Variants in HS3ST5 observed in about 807,000 individuals in gnomAD.
The protein encoded by HS3ST5 is heparan sulfate-glucosamine 3-sulfotransferase 5, also known as heparan sulfate glucosamine 3-O-sulfotransferase 5.
Under a neutral mutation model 25.4 loss-of-function variants are expected in HS3ST5, and 10 were observed. That is an observed-to-expected ratio of 0.39 (90% CI 0.24 to 0.67). HS3ST5 has a LOEUF of 0.67. HS3ST5 is among the 30% of genes least tolerant of loss of function. The pLI is 0.44. For missense variants in HS3ST5, 324 were observed against 420.7 expected, an observed-to-expected ratio of 0.77 and a Z score of 2.01; for synonymous variants, 170 against 162.4, an observed-to-expected ratio of 1.05 and a Z score of -0.36.
intron 2 of HS3ST5, among the ~76,000 whole-genome samples, chr6:114,169,179 C>T (rs1779353705): frequency 1.3e-5 from 2 of 152,102 alleles, no homozygotes; most frequent in Admixed American, 6.6e-5. Flanking sequence ...CCTAATACAT[C>T]ATTTCACTAA....
intron 3 of HS3ST5, among the ~76,000 whole-genome samples, chr6:114,094,063 A>G (rs935102334): frequency 5.9e-5 from 9 of 152,258 alleles, no homozygotes; most frequent in African/African-American, 2.2e-4. Context: ...TTATCCAGAC[A>G]TAAGACAGTA....
chr6:114,154,944 C>G (rs1358109394), intron 3 of HS3ST5, among the ~76,000 whole-genome samples: 1 of 152,122 alleles, frequency 6.6e-6, no homozygotes, highest in African/African-American at 2.4e-5. Flanking sequence ...CCCGATTGCT[C>G]TGGTTACATA....
chr6:114,252,042 AG>A (rs1772688299), intron 1 of HS3ST5: 1 of 152,204 alleles, frequency 6.6e-6, no homozygotes, highest in Non-Finnish European at 1.5e-5. Context: ...TGACTGAAAG[AG>A]TTAAGAGCCA....
At chr6:114,124,094 C>T (rs1166505063) in intron 3 of HS3ST5, among the ~76,000 whole-genome samples, 1 of 152,136 alleles carries the variant, frequency 6.6e-6, no homozygotes, top group Non-Finnish European at 1.5e-5. Context: ...CAAGTTGCCT[C>T]TGGAATGCTT....
intron 3 of HS3ST5, among the ~76,000 whole-genome samples, chr6:114,083,502 T>C (rs1774583099): frequency 6.6e-6 from 1 of 151,906 alleles, no homozygotes; most frequent in Admixed American, 6.6e-5. Flanking sequence ...CAGCTCCAGG[T>C]CATTAAGGAG....
intron 3 of HS3ST5, among the ~76,000 whole-genome samples, chr6:114,144,252 A>T (rs1438959358): frequency 6.6e-6 from 1 of 152,206 alleles, no homozygotes; most frequent in Non-Finnish European, 1.5e-5. Flanking sequence ...AGAGACAAGC[A>T]TGCAGCATTC....
chr6:114,320,897 T>G (rs1232672068), intron 1 of HS3ST5, among the ~76,000 whole-genome samples: 2 of 79,938 alleles, frequency 2.5e-5, no homozygotes, highest in African/African-American at 4.8e-5. Context: ...GGAAGTGCTC[T>G]CTCTCTCTCT....
chr6:114,073,752 T>C (rs1773966440), intron 3 of HS3ST5, among the ~76,000 whole-genome samples: 1 of 152,134 alleles, frequency 6.6e-6, no homozygotes, highest in Non-Finnish European at 1.5e-5. Flanking sequence ...TCCTCAAGGA[T>C]CTAGAACCAG....
intron 2 of HS3ST5, among the ~76,000 whole-genome samples, chr6:114,209,775 G>C (rs79537502): frequency 0.017 from 2,584 of 152,244 alleles, 37 homozygotes; most frequent in African/African-American, 0.04. Context: ...AAAGAAATGG[G>C]AGAAGGAGGA....
At chr6:114,274,662 A>T (rs1773773192) in intron 1 of HS3ST5, among the ~76,000 whole-genome samples, 1 of 152,078 alleles carries the variant, frequency 6.6e-6, no homozygotes, top group Non-Finnish European at 1.5e-5. Flanking sequence ...GTGGCAGTTA[A>T]GGATGCAGTA....
intron 1 of HS3ST5, among the ~76,000 whole-genome samples, chr6:114,312,314 T>C (rs906329836): frequency 6.6e-6 from 1 of 152,100 alleles, no homozygotes; most frequent in South Asian, 2.1e-4. Flanking sequence ...CAACTGGATA[T>C]ACAAATGGAA....
intron 3 of HS3ST5, among the ~76,000 whole-genome samples, chr6:114,079,898 CCCAAATT>C (rs1277503432): frequency 3.3e-5 from 5 of 152,166 alleles, no homozygotes; most frequent in Non-Finnish European, 2.9e-5. Flanking sequence ...GCCTTAGCCT[CCCAAATT>C]CCTGGGATTA....
intron 1 of HS3ST5, among the ~76,000 whole-genome samples, chr6:114,265,453 G>A (rs919125961): frequency 6.6e-6 from 1 of 152,132 alleles, no homozygotes; most frequent in Non-Finnish European, 1.5e-5. Context: ...TAGCTTCACT[G>A]TGAAAGCAGA....
At chr6:114,105,037 T>A (rs1365512191) in intron 3 of HS3ST5, among the ~76,000 whole-genome samples, 1 of 152,044 alleles carries the variant, frequency 6.6e-6, no homozygotes, top group Admixed American at 6.5e-5. Flanking sequence ...CCCAGTAAAG[T>A]GTAAACTACT....
Position 114,172,407 on chromosome 6 carries a change from A to G in HS3ST5, c.-144-3945T>C, listed in dbSNP as rs532195239. On this transcript the variant is annotated intron_variant, in intron 2 of 4. Transcript: ENST00000312719. The stretch of plus-strand genomic sequence containing the variant: ...AGGTAGTAATCAAAGCCAATTATCT[A>G]TTGATTTTCAGTTTAACATTTCAAC... Among the ~76,000 whole-genome samples, 8 of 152,346 alleles carry G rather than the reference A, an allele frequency of 5.3e-5. No homozygotes were observed. In the Middle Eastern group the frequency reaches 0.01, roughly 194 times the overall value.
Position 114,179,428 on chromosome 6 carries a change from A to G in HS3ST5, c.-144-10966T>C, listed in dbSNP as rs576515352. The stretch of plus-strand genomic sequence containing the variant: ...ACAACTATGTGACAAAGGCATTATT[A>G]TCTCTGTGGTAGGATTCATAAAGTA... On this transcript the variant is annotated intron_variant, in intron 2 of 4. Transcript: ENST00000312719. Among the ~76,000 whole-genome samples the G allele has an allele frequency of 8.9e-4, 135 of 152,304 alleles. 1 individual carries two copies. The highest frequency in any genetic ancestry group is 3.2e-3 in the African/African-American group (131 of 41,564).
At chr6:114,084,555 T>A (rs879231695) in intron 3 of HS3ST5, 1 of 760,940 alleles carries the variant, frequency 1.3e-6, no homozygotes, top group Admixed American at 1.7e-5. Context: ...CTGAGTGAGC[T>A]CCCTCGTTGT....
At chr6:114,245,262 A>G (rs1772324877) in intron 1 of HS3ST5, among the ~76,000 whole-genome samples, 1 of 152,186 alleles carries the variant, frequency 6.6e-6, no homozygotes. Flanking sequence ...TTTTCTGGAA[A>G]TTGGAAAGTC....
chr6:114,093,353 T>TTGTGTGTGTG (rs60927880), intron 3 of HS3ST5, among the ~76,000 whole-genome samples: 230 of 134,312 alleles, frequency 1.7e-3, no homozygotes, highest in Admixed American at 4.8e-3. Flanking sequence ...GTTTGTTTGT[T>TTGTGTGTGTG]TGTGTGTGTG....
Sources: gnomAD v4.1 joint callset for allele counts (sites outside exome capture counted in the v4.1 genomes callset) on GRCh38, gnomAD v4.1.1 for gene constraint, MANE v1.5 for transcripts, NCBI Gene and HGNC (gene_info 2026-07-23, HGNC 2026-07-21) for gene names.